IPO5: variants seen among roughly 807,000 people sequenced by gnomAD.
The protein encoded by IPO5 is importin-5.
IPO5 carries 18 observed loss-of-function variants against 143.3 expected under a neutral mutation model. The ratio of observed to expected loss-of-function variants is 0.13; its 90% CI spans 0.09 to 0.19. The LOEUF (loss-of-function observed/expected upper bound fraction) is 0.19. Among genes scored for constraint, IPO5 ranks in the 10% least tolerant of loss-of-function variants. IPO5 has a pLI of 1.00. For missense variants in IPO5, 1,013 were observed against 1,336.9 expected (o/e 0.76, Z 3.78); for synonymous variants, 477 against 465.7 (o/e 1.02, Z -0.31).
chr13:97,972,921 C>T (rs886363087), intron 3 of IPO5, among the ~76,000 whole-genome samples: 3 of 152,094 alleles, frequency 2.0e-5, no homozygotes, highest in Admixed American at 1.3e-4. Flanking sequence ...ATACAAATCC[C>T]CTAGACTCAA....
Position 98,010,123 on chromosome 13 carries a change from A to G in IPO5, c.1954A>G (p.Ser652Gly). ...LLDTQDMENMSDDDGWEFVNL... is the reference protein window; with the variant it reads ...LLDTQDMENMGDDDGWEFVNL... The stretch of plus-strand genomic sequence containing the variant: ...AATAGCCCAAGACATGGAGAATATG[A>G]GTGATGATGATGGTTGGGAATTTGT... Residue 652 changes from serine to glycine, a missense_variant, in exon 20 of 29, where the codon AGT (serine) becomes GGT (glycine). Physicochemically the swap from Ser to Gly is moderately conservative, Grantham distance 56. Transcript: ENST00000651721. 6.2e-6 allele frequency: 10 copies of G among 1,614,096 alleles called. No homozygotes were observed. The highest frequency in any genetic ancestry group is 8.5e-6 in the Non-Finnish European group (10 of 1,179,968).
rs1238041463 is a variant in IPO5 at position 98,023,149 on chromosome 13, TTTCCTTGTTAGCAGA to T, written c.*1329_*1343del. 6.6e-6 allele frequency: 1 copy of T among 152,656 alleles called. No homozygotes were observed. The highest frequency in any genetic ancestry group is 1.5e-5 in the Non-Finnish European group (1 of 68,048). 9.5% of individuals were successfully genotyped at this position (152,656 alleles called of 1,614,324 possible). ...AATAGAATGGATTACATACAGATGGTTTCCTTGTTAGCAGATGCCCTTCAAATATATTTTACGTTT... is the reference window on the plus strand; with the variant it reads ...AATAGAATGGATTACATACAGATGGTTGCCCTTCAAATATATTTTACGTTT... On this transcript the variant is annotated 3_prime_UTR_variant, in exon 29 of 29. Transcript: ENST00000651721.
intron 6 of IPO5, among the ~76,000 whole-genome samples, chr13:97,988,427 GAGTC>G (rs1464055514): frequency 6.6e-6 from 1 of 152,124 alleles, no homozygotes; most frequent in Non-Finnish European, 1.5e-5. Context: ...ATATATAAAG[GAGTC>G]AGTCAATCAG....
At position 98,023,655 on chromosome 13, in the gene IPO5, AGTG is replaced by A. The variant is rs1195831221; in HGVS notation, c.*1836_*1838del. The A allele has an allele frequency of 1.3e-5, 2 of 152,174 alleles. No homozygotes were observed. Among genetic ancestry groups the A allele is most frequent in the African/African-American group, 4.8e-5 (2 of 41,438 alleles). The allele number at this position is 152,174 out of a possible 1,614,324, so 9.4% of individuals were successfully genotyped here. A position where few individuals can be genotyped will look rare whatever the true frequency, so the allele number is the denominator to read the frequency against. On this transcript the variant is annotated 3_prime_UTR_variant, in exon 29 of 29. Coordinates refer to ENST00000651721, the MANE Select transcript of IPO5 (RefSeq NM_002271.6). ...CCTCCTACCTTCCAGTTTAAACACT[AGTG>A]GTATTGTCAGATGCCGTTAGTATCT...
intron 13 of IPO5, among the ~76,000 whole-genome samples, chr13:98,001,435 C>T (rs1888764724): frequency 6.6e-6 from 1 of 152,184 alleles, no homozygotes; most frequent in Admixed American, 6.5e-5. Flanking sequence ...AAGCGATTCT[C>T]CTGCCCTAGC....
At chr13:97,988,313 C>T (rs897740189) in intron 6 of IPO5, among the ~76,000 whole-genome samples, 3 of 152,180 alleles carry the variant, frequency 2.0e-5, no homozygotes, top group Non-Finnish European at 2.9e-5. Context: ...GAGATTCTAA[C>T]CCTGATGTCT....
At chr13:97,972,559 G>A (rs1351775561) in intron 3 of IPO5, among the ~76,000 whole-genome samples, 2 of 152,216 alleles carry the variant, frequency 1.3e-5, no homozygotes, top group Non-Finnish European at 2.9e-5. Flanking sequence ...GTAAAGGGTT[G>A]CAAATGCTCC....
At chr13:97,974,979 T>TTA (rs1886145440) in intron 3 of IPO5, among the ~76,000 whole-genome samples, 1 of 152,164 alleles carries the variant, frequency 6.6e-6, no homozygotes, top group Non-Finnish European at 1.5e-5. Flanking sequence ...CTAAACACAG[T>TTA]GGCCAAGATT....
chr13:98,004,951 G>GAT (rs1315033010), intron 16 of IPO5, among the ~76,000 whole-genome samples: 2 of 151,560 alleles, frequency 1.3e-5, no homozygotes, highest in South Asian at 2.1e-4. Context: ...GCTGGAGTGC[G>GAT]ATAACGCACT....
At position 98,019,627 on chromosome 13, in the gene IPO5, G is replaced by A; in HGVS notation, c.2883G>A (p.Lys961=). ...LVRVIQSADS[K]TKENVNATEN... ...GAGTTATTCAGTCTGCGGATTCTAAGACCAAAGAAAATGTCAATGCTACAG... is the reference window on the plus strand; with the variant it reads ...GAGTTATTCAGTCTGCGGATTCTAAAACCAAAGAAAATGTCAATGCTACAG... The change falls in exon 27 of 29, where the codon AAG becomes AAA. Residue 961 remains lysine (K), a synonymous_variant. Coordinates refer to ENST00000651721, the MANE Select transcript of IPO5 (RefSeq NM_002271.6). The A allele has an allele frequency of 6.2e-7, 1 of 1,614,124 alleles. No homozygotes were observed. Among genetic ancestry groups the A allele is most frequent in the Non-Finnish European group, 8.5e-7 (1 of 1,179,998 alleles).
intron 2 of IPO5, among the ~76,000 whole-genome samples, chr13:97,966,127 C>A (rs2139523399): frequency 7.6e-6 from 1 of 130,878 alleles, no homozygotes; most frequent in African/African-American, 2.7e-5. Context: ...GAGCAAGGCC[C>A]CCTCTCAAAA....
chr13:98,015,847 A>G lies in IPO5; in HGVS notation c.2493+66A>G, dbSNP rs191573296. 20 of 977,138 alleles carry G rather than the reference A, an allele frequency of 2.0e-5. No individual in the cohort carries two copies. In the Middle Eastern group the frequency reaches 6.6e-4, roughly 32 times the overall value. 60.5% of individuals were successfully genotyped at this position (977,138 alleles called of 1,614,324 possible). A position where few individuals can be genotyped will look rare whatever the true frequency, so the allele number is the denominator to read the frequency against. On this transcript the variant is annotated intron_variant, in intron 24 of 28. Coordinates refer to ENST00000651721, the MANE Select transcript of IPO5 (RefSeq NM_002271.6). The stretch of plus-strand genomic sequence containing the variant: ...CATCTGAAAGACTTGTAAATGCCTC[A>G]ATTTCTGATTTATGTGACTTGTCAT...
chr13:98,004,762 A>G (rs563279423), intron 16 of IPO5, among the ~76,000 whole-genome samples: 3 of 152,296 alleles, frequency 2.0e-5, no homozygotes, highest in Admixed American at 1.3e-4. Context: ...TTCTCAAGAC[A>G]TAGTTGAATG....
chr13:97,978,388 G>A (rs1886565427), intron 4 of IPO5, among the ~76,000 whole-genome samples: 1 of 152,178 alleles, frequency 6.6e-6, no homozygotes, highest in South Asian at 2.1e-4. Flanking sequence ...AACCCTCTAT[G>A]AAATGGATAT....
rs145747408 is a variant in IPO5, at chr13:97,961,413, C to A, written c.-113+7215C>A. Among the ~76,000 whole-genome samples, 224 of 152,304 alleles carry A rather than the reference C, an allele frequency of 1.5e-3. 8 individuals are homozygous for A. The East Asian group carries it at 0.035, about 24-fold the overall frequency. ...ATGGCACGATCTCGGCTCAACGCAA[C>A]CTCTGCCTCCCAGGTTCAAGTGATT... is the stretch of plus-strand genomic sequence containing the variant. On this transcript the variant is annotated intron_variant, in intron 2 of 28. Coordinates refer to ENST00000651721, the MANE Select transcript of IPO5 (RefSeq NM_002271.6).
Position 98,009,994 on chromosome 13 carries a change from C to T in IPO5, c.1914C>T (p.Pro638=), listed in dbSNP as rs749434406. 5 of 1,614,050 alleles carry T rather than the reference C, an allele frequency of 3.1e-6. No homozygotes were observed. The highest frequency in any genetic ancestry group is 2.2e-5 in the East Asian group (1 of 44,870). Residue 638 remains proline, a synonymous_variant, in exon 19 of 29, where the codon CCC becomes CCT. Coordinates refer to ENST00000651721, the MANE Select transcript of IPO5 (RefSeq NM_002271.6). ...TAATGAAGACGGCTTCAATTAAGCC[C>T]GAAGTAGCCCTTTTAGATAGTAGGT... ...GPLMKTASIK[P]EVALLDTQDM...
chr13:97,960,909 G>A (rs567266291), intron 2 of IPO5, among the ~76,000 whole-genome samples: 2 of 152,060 alleles, frequency 1.3e-5, no homozygotes, highest in South Asian at 4.2e-4. Context: ...ATATTCAGTG[G>A]GCTGCACATT....
In IPO5 at chr13:97,993,957, C is replaced by G. The variant is rs1594084421; in HGVS notation, c.913+732C>G. Among the ~76,000 whole-genome samples, 10 of 152,272 alleles carry G rather than the reference C, an allele frequency of 6.6e-5. No individual in the cohort carries two copies. In the South Asian group the frequency reaches 2.1e-3, roughly 32 times the overall value. On this transcript the variant is annotated intron_variant, in intron 11 of 28. Transcript: ENST00000651721. The stretch of plus-strand genomic sequence containing the variant: ...GAAAAATATCTCCTTTATCACTGTT[C>G]ATGTTGTACTGACTGCCCCAGCTGA...
intron 2 of IPO5, among the ~76,000 whole-genome samples, chr13:97,966,569 T>A (rs1267882543): frequency 6.6e-6 from 1 of 152,088 alleles, no homozygotes; most frequent in African/African-American, 2.4e-5. Flanking sequence ...GTCTATAGTT[T>A]TTTTTGTTTT....
Sources: allele counts gnomAD v4.1 joint callset (sites outside exome capture counted in the v4.1 genomes callset), GRCh38; gene constraint gnomAD v4.1.1; transcripts MANE v1.5; gene names NCBI Gene and HGNC (gene_info 2026-07-23, HGNC 2026-07-21).